The following EXOC6B variants were observed in gnomAD, a reference collection of about 807,000 sequenced individuals.
EXOC6B encodes the protein exocyst complex component 6B, also known as SEC15 homolog B.
In EXOC6B, 54 loss-of-function variants were observed where a neutral mutation model predicts 113.5. The observed-to-expected ratio is 0.48, with a 90% CI of 0.38 to 0.60. EXOC6B has a LOEUF of 0.60. Among genes scored for constraint, EXOC6B ranks in the 20% least tolerant of loss-of-function variants. The probability of loss-of-function intolerance (pLI) is 0.00; values close to 1 mark genes in which losing one functional copy is unlikely to be tolerated. For missense variants in EXOC6B, 797 were observed against 977.5 expected, an observed-to-expected ratio of 0.82 and a Z score of 2.46; for synonymous variants, 357 against 339.0, an observed-to-expected ratio of 1.05 and a Z score of -0.58.
intron 20 of EXOC6B, among the ~76,000 whole-genome samples, chr2:72,308,660 A>G (rs1687024328): frequency 6.6e-6 from 1 of 152,154 alleles, no homozygotes; most frequent in Admixed American, 6.5e-5. Context: ...TTAAGTAAAT[A>G]AAAGCAATGG....
chr2:72,384,955 C>T (rs915190409), intron 18 of EXOC6B, among the ~76,000 whole-genome samples: 45 of 152,034 alleles, frequency 3.0e-4, no homozygotes, highest in African/African-American at 1.1e-3. Context: ...TCTACAAACT[C>T]AATGCAATCC....
chr2:72,258,802 C>T (rs1250319853), intron 20 of EXOC6B, among the ~76,000 whole-genome samples: 1 of 152,184 alleles, frequency 6.6e-6, no homozygotes, highest in Non-Finnish European at 1.5e-5. Flanking sequence ...CTTGTCACTG[C>T]AGCTGTTACT....
chr2:72,402,203 G>C lies in EXOC6B; in HGVS notation c.1981-22333C>G, dbSNP rs547843882. ...CTCATTATAGGTCTGTTAAGATTTT[G>C]TATTTATTCTTGAGTCAGTTTAGGT... On this transcript the variant is annotated intron_variant, in intron 18 of 21. Transcript: ENST00000272427. Among the ~76,000 whole-genome samples the C allele has an allele frequency of 5.8e-4, 88 of 152,130 alleles. 1 individual carries two copies. The highest frequency in any genetic ancestry group is 1.7e-3 in the African/African-American group (71 of 41,532).
At chr2:72,573,886 C>T (rs1044018132) in intron 7 of EXOC6B, among the ~76,000 whole-genome samples, 4 of 152,000 alleles carry the variant, frequency 2.6e-5, no homozygotes, top group African/African-American at 9.7e-5. Context: ...GAGTCCGAGT[C>T]GGGTGGATCA....
At chr2:72,748,854 T>C (rs540092474) in intron 1 of EXOC6B, among the ~76,000 whole-genome samples, 1 of 151,872 alleles carries the variant, frequency 6.6e-6, no homozygotes, top group Non-Finnish European at 1.5e-5. Context: ...GAAGGGGGAA[T>C]TGTCCCAAAA....
chr2:72,558,466 T>C (rs1279152735), intron 8 of EXOC6B, among the ~76,000 whole-genome samples: 2 of 152,176 alleles, frequency 1.3e-5, no homozygotes, highest in African/African-American at 4.8e-5. Flanking sequence ...AGTGGTACTA[T>C]GTTAAATATG....
intron 5 of EXOC6B, among the ~76,000 whole-genome samples, chr2:72,720,747 C>T (rs866314924): frequency 2.7e-5 from 4 of 150,530 alleles, no homozygotes; most frequent in Non-Finnish European, 4.4e-5. Flanking sequence ...GAGTGAGACC[C>T]GTCAAAAAAT....
chr2:72,513,287 G>A, intron 10 of EXOC6B, 35 bp from the exon 11 acceptor site: 1 of 1,609,900 alleles, frequency 6.2e-7, no homozygotes, highest in Non-Finnish European at 8.5e-7. Flanking sequence ...ACAGCTGTCA[G>A]AAATTACAGT....
At chr2:72,750,832 T>C (rs1051549064) in intron 1 of EXOC6B, among the ~76,000 whole-genome samples, 2 of 152,128 alleles carry the variant, frequency 1.3e-5, no homozygotes, top group Admixed American at 6.6e-5. Flanking sequence ...CAGAGAAATA[T>C]ACCTTAACCT....
At chr2:72,220,401 C>A (rs1466476548) in intron 20 of EXOC6B, among the ~76,000 whole-genome samples, 1 of 152,116 alleles carries the variant, frequency 6.6e-6, no homozygotes, top group Admixed American at 6.6e-5. Context: ...CCTCCTCATG[C>A]CCCCTGGGGG....
Position 72,267,352 on chromosome 2 carries a change from C to T in EXOC6B, c.2196+67595G>A, listed in dbSNP as rs1684187197. On this transcript the variant is annotated intron_variant, in intron 20 of 21. Transcript: ENST00000272427. ...CTTGTGCCAGTTTTCAAAGGGAATG[C>T]TTCCAGTTTTTGCCCATTCAGTATG... Among the ~76,000 whole-genome samples, 6 of 151,758 alleles carry T rather than the reference C, an allele frequency of 4.0e-5. No individual in the cohort carries two copies. In the South Asian group the frequency reaches 1.2e-3, roughly 31 times the overall value.
At chr2:72,738,653 A>G (rs1681113871) in intron 2 of EXOC6B, among the ~76,000 whole-genome samples, 1 of 152,210 alleles carries the variant, frequency 6.6e-6, no homozygotes, top group African/African-American at 2.4e-5. Context: ...AAATGTATAG[A>G]CCAATACATA....
chr2:72,184,145 C>T lies in EXOC6B; in HGVS notation c.2239G>A (p.Ala747Thr), dbSNP rs540854492. The T allele has an allele frequency of 1.9e-6, 3 of 1,562,210 alleles. No homozygotes were observed. Among genetic ancestry groups the T allele is most frequent in the Middle Eastern group, 1.7e-4 (1 of 6,000 alleles). Residue 747 changes from alanine (A) to threonine (T), a missense_variant, in exon 21 of 22, where the codon GCT becomes ACT. Transcript: ENST00000272427. ...TTGCAGTTGGGCTGACCATAGTCAG[C>T]AAGGTAGGTTGACCAATCCCACTGG... ...FIQWDWSTYL[A>T]DYGQPNCKYL...
At chr2:72,320,399 T>C (rs903063096) in intron 20 of EXOC6B, among the ~76,000 whole-genome samples, 6 of 151,934 alleles carry the variant, frequency 3.9e-5, no homozygotes, top group Non-Finnish European at 7.4e-5. Flanking sequence ...GAACATAATA[T>C]AGAGAATGCA....
intron 11 of EXOC6B, among the ~76,000 whole-genome samples, chr2:72,501,728 CA>C (rs550029242): frequency 7.9e-5 from 11 of 138,952 alleles, no homozygotes; most frequent in African/African-American, 2.1e-4. Flanking sequence ...CAACAACAAC[CA>C]AAAAAAAAAC....
chr2:72,515,865 A>T, intron 8 of EXOC6B: 1 of 387,122 alleles, frequency 2.6e-6, no homozygotes, highest in Non-Finnish European at 3.5e-6. Flanking sequence ...CTATCAGTGG[A>T]GGGTGGGACC....
At chr2:72,288,592 C>A (rs1357617336) in intron 20 of EXOC6B, among the ~76,000 whole-genome samples, 2 of 151,748 alleles carry the variant, frequency 1.3e-5, no homozygotes, top group Non-Finnish European at 2.9e-5. Context: ...ATGAAAGAAG[C>A]TAGACATAAA....
rs115038367 is a variant in EXOC6B at position 72,541,735 on chromosome 2, T to G, written c.915+17718A>C. On this transcript the variant is annotated intron_variant, in intron 8 of 21. Coordinates refer to ENST00000272427, the MANE Select transcript of EXOC6B (RefSeq NM_015189.3). ...GGAGGCAGGTGTAGGTGGAGTGTGTTCAGGTTGTGAAAAGAAATGTTTCTT... is the reference window on the plus strand; with the variant it reads ...GGAGGCAGGTGTAGGTGGAGTGTGTGCAGGTTGTGAAAAGAAATGTTTCTT... 8.4e-3 allele frequency among the ~76,000 whole-genome samples: 1,286 copies of G among 152,248 alleles called. 8 individuals are homozygous for G. The highest frequency in any genetic ancestry group is 0.014 in the Non-Finnish European group (935 of 68,004).
At chr2:72,636,229 T>C (rs183763856) in intron 6 of EXOC6B, among the ~76,000 whole-genome samples, 192 of 149,100 alleles carry the variant, frequency 1.3e-3, no homozygotes, top group Non-Finnish European at 2.3e-3. Flanking sequence ...TAAATATCTT[T>C]TAAAAATAAA....
Sources: gnomAD v4.1 joint callset for allele counts (sites outside exome capture counted in the v4.1 genomes callset) on GRCh38, gnomAD v4.1.1 for gene constraint, MANE v1.5 for transcripts, NCBI Gene and HGNC (gene_info 2026-07-23, HGNC 2026-07-21) for gene names.